PAPPA2: variants seen among roughly 807,000 people sequenced by gnomAD.
PAPPA2 encodes pappalysin 2.
Under a neutral mutation model 176.4 loss-of-function variants are expected in PAPPA2, and 86 were observed. That is an observed-to-expected ratio of 0.49 (90% CI 0.41 to 0.58). The LOEUF is 0.58. Among genes scored for constraint, PAPPA2 ranks in the 20% least tolerant of loss-of-function variants. PAPPA2 has a pLI of 0.00. For missense variants in PAPPA2, 2,073 were observed against 2,256.9 expected (o/e 0.92, Z 1.65); for synonymous variants, 809 against 852.2 (o/e 0.95, Z 0.88).
chr1:176,682,125 T>C (rs1659614131), intron 4 of PAPPA2, among the ~76,000 whole-genome samples: 1 of 152,234 alleles, frequency 6.6e-6, no homozygotes, highest in African/African-American at 2.4e-5. Flanking sequence ...TGTGATACAT[T>C]CATGTGAATG....
chr1:176,753,446 C>G (rs1251725745), intron 14 of PAPPA2, among the ~76,000 whole-genome samples: 1 of 152,114 alleles, frequency 6.6e-6, no homozygotes, highest in Non-Finnish European at 1.5e-5. Context: ...TCCTCTTCCA[C>G]CTGGATTGGG....
At chr1:176,521,167 ACTTTTATTTTC>A (rs776018549) in intron 1 of PAPPA2, among the ~76,000 whole-genome samples, 156 of 151,988 alleles carry the variant, frequency 1.0e-3, no homozygotes, top group Middle Eastern at 3.4e-3. Context: ...GATAACTACA[ACTTTTATTTTC>A]CTTTTATTTT....
At chr1:176,606,486 A>G (rs568994510) in intron 3 of PAPPA2, among the ~76,000 whole-genome samples, 2 of 152,282 alleles carry the variant, frequency 1.3e-5, no homozygotes, top group South Asian at 2.1e-4. Flanking sequence ...CTTTTTTTAG[A>G]TGGAGTCTTG....
rs147983847 is a variant in PAPPA2, at chr1:176,734,259, G to A, written c.3799-5367G>A. 6.6e-5 allele frequency among the ~76,000 whole-genome samples: 10 copies of A among 152,176 alleles called. No homozygotes were observed. The East Asian group carries it at 7.7e-4, about 12-fold the overall frequency. ...GCTCTCAGAAAGAATTCAGCCAGTC[G>A]TCTGATTCTGATCTAACCCCCTTCC... On this transcript the variant is annotated intron_variant, in intron 12 of 22. Transcript: ENST00000367662.
intron 1 of PAPPA2, among the ~76,000 whole-genome samples, chr1:176,508,832 A>T (rs1348758436): frequency 2.0e-5 from 3 of 152,004 alleles, no homozygotes; most frequent in Non-Finnish European, 4.4e-5. Context: ...CTGCCATGGA[A>T]TATGTGCCTT....
intron 14 of PAPPA2, among the ~76,000 whole-genome samples, chr1:176,750,408 C>G (rs1430168610): frequency 6.6e-6 from 1 of 152,020 alleles, no homozygotes; most frequent in Non-Finnish European, 1.5e-5. Flanking sequence ...AGTTTGAGAC[C>G]AGGCTGGCCA....
At chr1:176,711,749 C>A (rs761249360) in intron 11 of PAPPA2, 86 bp from the exon 12 acceptor site, 11 of 1,428,710 alleles carry the variant, frequency 7.7e-6, no homozygotes, top group Non-Finnish European at 1.1e-5. Flanking sequence ...GAGAGAACAA[C>A]TTTGCTTTGA....
At chr1:176,602,950 A>G (rs1480455315) in intron 3 of PAPPA2, among the ~76,000 whole-genome samples, 1 of 152,180 alleles carries the variant, frequency 6.6e-6, no homozygotes, top group Non-Finnish European at 1.5e-5. Flanking sequence ...GAGCAAATGA[A>G]ATCCCCAGTT....
At chr1:176,652,305 A>G (rs903950357) in intron 3 of PAPPA2, among the ~76,000 whole-genome samples, 1 of 151,484 alleles carries the variant, frequency 6.6e-6, no homozygotes, top group South Asian at 2.1e-4. Context: ...TTCATATTGG[A>G]TATGTTTGCT....
Position 176,699,097 on chromosome 1 carries a change from C to T in PAPPA2, c.2747-3C>T, listed in dbSNP as rs563429411. 83 of 1,607,288 alleles carry T rather than the reference C, an allele frequency of 5.2e-5. No homozygotes were observed. The highest frequency in any genetic ancestry group is 5.0e-4 in the Middle Eastern group (3 of 6,008). On this transcript the variant is annotated splice_region_variant and splice_polypyrimidine_tract_variant and intron_variant, in intron 7 of 22. Coordinates refer to ENST00000367662, the MANE Select transcript of PAPPA2 (RefSeq NM_020318.3). ...ATGTATCTTTCTGCTAATCTCCCCC[C>T]AGGGCCTCCTGATGTGGATCAGCCC...
chr1:176,572,109 C>A (rs1378179231), intron 2 of PAPPA2, among the ~76,000 whole-genome samples: 1 of 152,220 alleles, frequency 6.6e-6, no homozygotes, highest in Non-Finnish European at 1.5e-5. Flanking sequence ...CAGGGGCAGA[C>A]TGAGACCCCA....
chr1:176,691,989 C>A, intron 5 of PAPPA2, 137 bp from the exon 6 acceptor site: 1 of 782,886 alleles, frequency 1.3e-6, no homozygotes, highest in Non-Finnish European at 2.1e-6. Context: ...TGCATTTGTT[C>A]ATTCATTCAA....
At chr1:176,724,620 A>C (rs555547205) in intron 12 of PAPPA2, among the ~76,000 whole-genome samples, 22 of 152,180 alleles carry the variant, frequency 1.4e-4, no homozygotes, top group Non-Finnish European at 3.2e-4. Context: ...CACTGCCTGG[A>C]AACCCTTGCT....
chr1:176,704,678 G>T (rs536474051), intron 9 of PAPPA2, among the ~76,000 whole-genome samples: 1 of 151,752 alleles, frequency 6.6e-6, no homozygotes, highest in Non-Finnish European at 1.5e-5. Context: ...GAACAACTTG[G>T]GCAGGTAAAT....
chr1:176,531,606 C>G (rs1181258647), intron 1 of PAPPA2, among the ~76,000 whole-genome samples: 1 of 152,082 alleles, frequency 6.6e-6, no homozygotes, highest in Non-Finnish European at 1.5e-5. Context: ...TCATGAAGAA[C>G]AGTAACTGAG....
intron 21 of PAPPA2, among the ~76,000 whole-genome samples, chr1:176,812,462 T>TA (rs1279759608): frequency 6.6e-6 from 1 of 152,182 alleles, no homozygotes; most frequent in Non-Finnish European, 1.5e-5. Flanking sequence ...TTTGCTCAAC[T>TA]AAGACTTCTA....
intron 2 of PAPPA2, among the ~76,000 whole-genome samples, chr1:176,585,283 GT>G (rs912003270): frequency 2.0e-5 from 3 of 147,410 alleles, no homozygotes; most frequent in Admixed American, 6.7e-5. Flanking sequence ...GGATTTGTTT[GT>G]TTTTTTTTTC....
chr1:176,828,870 G>A lies in PAPPA2; in HGVS notation c.5203-11303G>A, dbSNP rs1383831480. On this transcript the variant is annotated intron_variant, in intron 21 of 22. Transcript: ENST00000367662. ...TACAAAAAATTAGCTGGGCGTGGTG[G>A]TGGGCAGCTGTATTCCCAACTACTT... Among the ~76,000 whole-genome samples, 4 of 152,172 alleles carry A rather than the reference G, an allele frequency of 2.6e-5. No individual in the cohort carries two copies. The East Asian group carries it at 7.7e-4, about 29-fold the overall frequency.
chr1:176,822,568 G>A (rs1666707307), intron 21 of PAPPA2, among the ~76,000 whole-genome samples: 1 of 152,120 alleles, frequency 6.6e-6, no homozygotes, highest in South Asian at 2.1e-4. Flanking sequence ...ATAAATATAG[G>A]TATTCTGAGC....
Sources: gnomAD v4.1 joint callset for allele counts (sites outside exome capture counted in the v4.1 genomes callset) on GRCh38, gnomAD v4.1.1 for gene constraint, MANE v1.5 for transcripts, NCBI Gene and HGNC (gene_info 2026-07-23, HGNC 2026-07-21) for gene names.